ANKRD12: variants seen among roughly 807,000 people sequenced by gnomAD.
ANKRD12 encodes the protein ankyrin repeat domain 12.
ANKRD12 carries 85 observed loss-of-function variants against 183.4 expected under a neutral mutation model. That is an observed-to-expected ratio of 0.46 (90% confidence interval 0.39 to 0.56). The LOEUF is 0.56. ANKRD12 is among the 20% of genes least tolerant of loss of function. ANKRD12 has a pLI of 0.00. For synonymous variants in ANKRD12, 914 were observed against 800.2 expected, an observed-to-expected ratio of 1.14 and a Z score of -2.40; for missense variants, 2,405 against 2,357.1, an observed-to-expected ratio of 1.02 and a Z score of -0.42.
rs2036128220 is a variant in ANKRD12, at chr18:9,216,694, T to C, written c.653-64T>C. 3.3e-6 allele frequency: 5 copies of C among 1,537,116 alleles called. No individual in the cohort carries two copies. The Admixed American group carries it at 7.4e-5, about 23-fold the overall frequency. ...TTTATATGTCACACATTGGTATGTA[T>C]ATGAAAAGCATATATTTTGAAGTAG... is the stretch of plus-strand genomic sequence containing the variant. On this transcript the variant is annotated intron_variant, in intron 6 of 12. Coordinates refer to ENST00000262126, the MANE Select transcript of ANKRD12 (RefSeq NM_015208.5).
chr18:9,261,235 T>C (rs1394287974), intron 9 of ANKRD12, among the ~76,000 whole-genome samples: 1 of 152,248 alleles, frequency 6.6e-6, no homozygotes, highest in African/African-American at 2.4e-5. Context: ...TAACATGTTC[T>C]ACATAATACC....
intron 3 of ANKRD12, among the ~76,000 whole-genome samples, chr18:9,197,054 G>A (rs543117194): frequency 3.3e-5 from 5 of 152,056 alleles, no homozygotes; most frequent in African/African-American, 7.2e-5. Context: ...ATAGCTGTTC[G>A]AAAAATGGAT....
Position 9,255,831 on chromosome 18 carries a change from AAG to A in ANKRD12, c.2566_2567del (p.Asp856GlnfsTer5). 1 of 1,578,466 alleles carries A rather than the reference AAG, an allele frequency of 6.3e-7. No individual in the cohort carries two copies. The highest frequency in any genetic ancestry group is 8.5e-7 in the Non-Finnish European group (1 of 1,170,416). On this transcript the variant is annotated frameshift_variant, in exon 9 of 13. Coordinates refer to ENST00000262126, the MANE Select transcript of ANKRD12 (RefSeq NM_015208.5). LOFTEE classifies it high-confidence loss of function. ...ATAAAACATGAGCATAAGTCAGAAAAAGACAAATTAGATCTTAGTGAATGTGT... is the reference window on the plus strand; with the variant it reads ...ATAAAACATGAGCATAAGTCAGAAAAACAAATTAGATCTTAGTGAATGTGT...
intron 8 of ANKRD12, among the ~76,000 whole-genome samples, chr18:9,237,209 A>G (rs1450035393): frequency 1.3e-5 from 2 of 152,214 alleles, no homozygotes; most frequent in Non-Finnish European, 2.9e-5. Context: ...CAAGAGTCCT[A>G]GAGATACATA....
In ANKRD12 at chr18:9,254,349, A is replaced by G; in HGVS notation, c.1082A>G (p.Tyr361Cys). 6.2e-7 allele frequency: 1 copy of G among 1,612,978 alleles called. No homozygotes were observed. ...CCTCTTCCATCTGCCCTTGATGAGT[A>G]TGAGTTCAAAGATGATGATGATGAA... ...KTPLPSALDE[Y>C]EFKDDDDEEI... is the part of the protein sequence containing the mutation. The change falls in exon 9 of 13, where the codon TAT becomes TGT. Residue 361 changes from tyrosine to cysteine, a missense_variant. Physicochemically the swap from Tyr to Cys is radical, Grantham distance 194 (BLOSUM62 -2). This residue lies in a region of ANKRD12 where 1,983 missense variants were observed against 1,725.9 expected (regional missense o/e 1.15). Transcript: ENST00000262126.
At chr18:9,196,817 A>G (rs1464286920) in intron 3 of ANKRD12, among the ~76,000 whole-genome samples, 2 of 152,212 alleles carry the variant, frequency 1.3e-5, no homozygotes, top group South Asian at 2.1e-4. Context: ...TTTAAGCTAC[A>G]CTGGTTTCTT....
At position 9,267,128 on chromosome 18, in the gene ANKRD12, A is replaced by T. The variant is rs573186818; in HGVS notation, c.5763+3240A>T. On this transcript the variant is annotated intron_variant, in intron 10 of 12. Transcript: ENST00000262126. ...CCAGATTCATAAAGCAAGTCCTTAG[A>T]GACCTAGAAAGAGACTTAGATTCCC... Among the ~76,000 whole-genome samples the T allele has an allele frequency of 1.7e-4, 26 of 152,328 alleles. No individual in the cohort carries two copies. The South Asian group carries it at 5.4e-3, about 32-fold the overall frequency.
intron 11 of ANKRD12, among the ~76,000 whole-genome samples, chr18:9,278,316 A>G (rs1011384683): frequency 1.5e-4 from 23 of 152,236 alleles, no homozygotes; most frequent in Non-Finnish European, 2.9e-4. Context: ...CTTTGGGTAG[A>G]GGCTCAGATC....
rs934806962 is a variant in ANKRD12 at position 9,265,743 on chromosome 18, C to T, written c.5763+1855C>T. Among the ~76,000 whole-genome samples the T allele has an allele frequency of 2.6e-5, 4 of 152,154 alleles. No individual in the cohort carries two copies. The East Asian group carries it at 7.7e-4, about 29-fold the overall frequency. On this transcript the variant is annotated intron_variant, in intron 10 of 12. Transcript: ENST00000262126. The stretch of plus-strand genomic sequence containing the variant: ...CCTCCTCCAAAGGAACGCAGCTCCT[C>T]ACCAGCAACGGAACAAAGCTGGACG...
At chr18:9,165,873 CCCCCA>C (rs2032001634) in intron 1 of ANKRD12, among the ~76,000 whole-genome samples, 1 of 131,172 alleles carries the variant, frequency 7.6e-6, no homozygotes, top group East Asian at 2.4e-4. Flanking sequence ...TCCCCCCCTC[CCCCCA>C]CCCCACAACA....
At chr18:9,171,149 T>C (rs2032681880) in intron 1 of ANKRD12, among the ~76,000 whole-genome samples, 2 of 151,308 alleles carry the variant, frequency 1.3e-5, no homozygotes, top group African/African-American at 4.9e-5. Flanking sequence ...TACTCGGGGG[T>C]CAAGGACCCA....
At position 9,283,601 on chromosome 18, in the gene ANKRD12, A is replaced by G. The variant is rs955471367; in HGVS notation, c.*2475A>G. On this transcript the variant is annotated 3_prime_UTR_variant, in exon 13 of 13. Transcript: ENST00000262126. ...GGATTCAGAAAGAAAAAGGATGGTT[A>G]GTTTAATCAGTGATTCTTTTTAAAC... is the stretch of plus-strand genomic sequence containing the variant. The G allele has an allele frequency of 1.3e-5, 2 of 152,652 alleles. No homozygotes were observed. The highest frequency in any genetic ancestry group is 2.4e-5 in the African/African-American group (1 of 41,466). 9.5% of individuals were successfully genotyped at this position (152,652 alleles called of 1,614,324 possible).
intron 8 of ANKRD12, among the ~76,000 whole-genome samples, chr18:9,232,849 T>TTTGTTGTTGTTG (rs35915363): frequency 4.0e-5 from 6 of 150,150 alleles, no homozygotes; most frequent in African/African-American, 1.5e-4. Flanking sequence ...AAGACCTGAT[T>TTTGTTGTTGTTG]TTGTTGTTGT....
intron 1 of ANKRD12, among the ~76,000 whole-genome samples, chr18:9,155,903 G>A (rs919381169): frequency 2.2e-4 from 33 of 152,136 alleles, no homozygotes; most frequent in African/African-American, 6.7e-4. Context: ...TTTAGGCTGA[G>A]GTGGGCGGAT....
chr18:9,178,586 A>G (rs2033470606), intron 1 of ANKRD12, among the ~76,000 whole-genome samples: 1 of 152,088 alleles, frequency 6.6e-6, no homozygotes, highest in Non-Finnish European at 1.5e-5. Context: ...ATGTGAGTCT[A>G]CCAATTAATT....
intron 8 of ANKRD12, among the ~76,000 whole-genome samples, chr18:9,231,455 T>C (rs935733930): frequency 6.6e-6 from 1 of 152,214 alleles, no homozygotes; most frequent in African/African-American, 2.4e-5. Context: ...TGAATTGTTA[T>C]ATTCTCTTGC....
intron 6 of ANKRD12, among the ~76,000 whole-genome samples, chr18:9,215,559 C>T (rs1029755960): frequency 3.7e-4 from 56 of 151,992 alleles, no homozygotes; most frequent in African/African-American, 1.4e-3. Context: ...ATTAGAGGGT[C>T]ATAAGGAACT....
At chr18:9,140,628 G>A (rs1256240938) in intron 1 of ANKRD12, among the ~76,000 whole-genome samples, 4 of 152,152 alleles carry the variant, frequency 2.6e-5, no homozygotes, top group African/African-American at 9.7e-5. Context: ...AGGAGGAGAT[G>A]ATTTCCTTTA....
At chr18:9,275,343 C>T (rs1598780398) in intron 10 of ANKRD12, among the ~76,000 whole-genome samples, 181 bp from the exon 11 acceptor site, 1 of 152,044 alleles carries the variant, frequency 6.6e-6, no homozygotes, top group Non-Finnish European at 1.5e-5. Flanking sequence ...CTTCATGGCA[C>T]ATGCCTGTAG....
Sources: gnomAD v4.1 joint callset for allele counts (sites outside exome capture counted in the v4.1 genomes callset) on GRCh38, gnomAD v4.1.1 for gene constraint, gnomAD v4.1.1 regional missense constraint, MANE v1.5 for transcripts, NCBI Gene and HGNC (gene_info 2026-07-23, HGNC 2026-07-21) for gene names.